Variants in CRISPLD2 observed in about 807,000 individuals in gnomAD.
CRISPLD2 encodes the protein cysteine-rich secretory protein LCCL domain-containing 2.
Under a neutral mutation model 71.1 loss-of-function variants are expected in CRISPLD2, and 47 were observed. That is an observed-to-expected ratio of 0.66 (90% CI 0.52 to 0.84). The LOEUF is 0.84. CRISPLD2 is among the 40% of genes least tolerant of loss of function. The probability of loss-of-function intolerance (pLI) is 0.00; values close to 1 mark genes in which losing one functional copy is unlikely to be tolerated. For missense variants in CRISPLD2, 830 were observed against 651.1 expected, an observed-to-expected ratio of 1.27 and a Z score of -2.99; for synonymous variants, 317 against 250.1, an observed-to-expected ratio of 1.27 and a Z score of -2.52.
intron 13 of CRISPLD2, among the ~76,000 whole-genome samples, chr16:84,886,172 A>T (rs183110334): frequency 4.7e-4 from 72 of 152,160 alleles, no homozygotes; most frequent in African/African-American, 1.7e-3. Context: ...TTACAGGTGT[A>T]AGCCACCGCG....
intron 1 of CRISPLD2, chr16:84,828,405 G>A (rs994756396): frequency 2.0e-5 from 3 of 152,210 alleles, no homozygotes; most frequent in African/African-American, 7.2e-5. Context: ...TGAGGAATTA[G>A]AGGCTTGAGG....
chr16:84,828,348 C>T (rs1023488107), intron 1 of CRISPLD2: 2 of 152,174 alleles, frequency 1.3e-5, no homozygotes, highest in Admixed American at 6.5e-5. Context: ...AGTCATAGCA[C>T]CCTTCCTCCC....
intron 14 of CRISPLD2, 28 bp downstream of exon 14, chr16:84,889,391 A>G (rs1384239091): frequency 3.8e-6 from 6 of 1,586,394 alleles, no homozygotes; most frequent in Middle Eastern, 1.7e-4. Context: ...AACCCTTGAC[A>G]CCCAATCCCG....
At chr16:84,827,473 G>T (rs1314133290) in intron 1 of CRISPLD2, among the ~76,000 whole-genome samples, 2 of 151,248 alleles carry the variant, frequency 1.3e-5, no homozygotes, top group Admixed American at 6.6e-5. Flanking sequence ...TGGGCTTTTC[G>T]CCTGTCCTCG....
chr16:84,881,988 T>C (rs1017462728), intron 13 of CRISPLD2, among the ~76,000 whole-genome samples: 2 of 152,208 alleles, frequency 1.3e-5, no homozygotes, highest in African/African-American at 2.4e-5. Context: ...GGTCTTTTTT[T>C]CTTCTTGAAA....
Position 84,880,582 on chromosome 16 carries a change from G to C in CRISPLD2, c.1303G>C (p.Asp435His), listed in dbSNP as rs765014952. Reference sequence around the variant, plus strand: ...GGTGTTTGGAACCAACATCTATGCAGATGTGAGTAGGATGCATTTTCAACA... The same window carrying C: ...GGTGTTTGGAACCAACATCTATGCACATGTGAGTAGGATGCATTTTCAACA... ...APVFGTNIYA[D>H]TSSICKTAVH... Residue 435 changes from aspartate to histidine, a missense_variant and splice_region_variant, in exon 13 of 15, where the codon GAT becomes CAT. Transcript: ENST00000262424. 5 of 1,613,230 alleles carry C rather than the reference G, an allele frequency of 3.1e-6. No homozygotes were observed. The highest frequency in any genetic ancestry group is 4.2e-6 in the Non-Finnish European group (5 of 1,179,328).
In CRISPLD2 at chr16:84,908,183, T is replaced by G. The variant is rs901368237; in HGVS notation, c.*1541T>G. The G allele has an allele frequency of 5.9e-5, 9 of 152,206 alleles. No homozygotes were observed. Among genetic ancestry groups the G allele is most frequent in the Admixed American group, 5.2e-4 (8 of 15,278 alleles). The allele number at this position is 152,206 out of a possible 1,614,324, so 9.4% of individuals were successfully genotyped here. Reference sequence around the variant, plus strand: ...AATAAATGCAGAATCTGAAGGTAAATAGGTTTAAAACAAAACAAAAACCCA... The same window carrying G: ...AATAAATGCAGAATCTGAAGGTAAAGAGGTTTAAAACAAAACAAAAACCCA... On this transcript the variant is annotated 3_prime_UTR_variant, in exon 15 of 15. Transcript: ENST00000262424.
intron 13 of CRISPLD2, among the ~76,000 whole-genome samples, chr16:84,886,829 C>G (rs145140573): frequency 0.011 from 1,690 of 152,316 alleles, 10 homozygotes; most frequent in Non-Finnish European, 0.019. Context: ...CAAAAAAATA[C>G]ATAACATTAA....
In CRISPLD2 at chr16:84,908,686, T is replaced by C. The variant is rs1597492504; in HGVS notation, c.*2044T>C. The C allele has an allele frequency of 3.4e-5, 2 of 58,086 alleles. No individual in the cohort carries two copies. Among genetic ancestry groups the C allele is most frequent in the African/African-American group, 1.5e-4 (2 of 13,532 alleles). 3.6% of individuals were successfully genotyped at this position (58,086 alleles called of 1,614,324 possible). On this transcript the variant is annotated 3_prime_UTR_variant, in exon 15 of 15. Coordinates refer to ENST00000262424, the MANE Select transcript of CRISPLD2 (RefSeq NM_031476.4). ...CAGAGCAGGACCTGGCTGTCTTTTT[T>C]TTTTTTTTTTTTTTTTTCCCGAGAC...
At position 84,902,088 on chromosome 16, in the gene CRISPLD2, C is replaced by G. The variant is rs192065285; in HGVS notation, c.1440-4500C>G. On this transcript the variant is annotated intron_variant, in intron 14 of 14. Coordinates refer to ENST00000262424, the MANE Select transcript of CRISPLD2 (RefSeq NM_031476.4). ...TGCTGGGATGACAGGCGTGAGCCAC[C>G]GCGCCTGGCCCTGGTTGCACACTGT... Among the ~76,000 whole-genome samples, 4 of 151,072 alleles carry G rather than the reference C, an allele frequency of 2.6e-5. No individual in the cohort carries two copies. The East Asian group carries it at 7.9e-4, about 30-fold the overall frequency.
chr16:84,829,563 C>T (rs1025954542), intron 1 of CRISPLD2, among the ~76,000 whole-genome samples: 6 of 152,122 alleles, frequency 3.9e-5, no homozygotes, highest in Admixed American at 6.5e-5. Flanking sequence ...GAGAACACCC[C>T]GACCCCCAGG....
At chr16:84,889,744 G>A (rs2071644800) in intron 14 of CRISPLD2, among the ~76,000 whole-genome samples, 1 of 137,180 alleles carries the variant, frequency 7.3e-6, no homozygotes, top group Admixed American at 7.4e-5. Flanking sequence ...CCTTCCGGTT[G>A]TTTTTCTTTG....
intron 14 of CRISPLD2, among the ~76,000 whole-genome samples, chr16:84,901,169 G>A (rs1005113659): frequency 3.3e-5 from 5 of 152,016 alleles, no homozygotes; most frequent in Admixed American, 3.3e-4. Context: ...GTATAGTAAA[G>A]CAACAAATCC....
intron 14 of CRISPLD2, among the ~76,000 whole-genome samples, chr16:84,905,231 C>A (rs771834014): frequency 2.0e-5 from 3 of 152,182 alleles, no homozygotes; most frequent in Non-Finnish European, 4.4e-5. Flanking sequence ...CATGCCACTG[C>A]ACTCTGGCCT....
At chr16:84,876,049 C>T (rs1251071701) in intron 11 of CRISPLD2, among the ~76,000 whole-genome samples, 1 of 152,184 alleles carries the variant, frequency 6.6e-6, no homozygotes, top group African/African-American at 2.4e-5. Context: ...TAAATCCTGC[C>T]TATTGCCTGC....
At chr16:84,880,178 A>T (rs1323562056) in intron 12 of CRISPLD2, among the ~76,000 whole-genome samples, 1 of 152,146 alleles carries the variant, frequency 6.6e-6, no homozygotes, top group Admixed American at 6.5e-5. Context: ...GAACTAGCCA[A>T]CATCCAAGAA....
chr16:84,869,219 A>G (rs2071444477), intron 8 of CRISPLD2, among the ~76,000 whole-genome samples: 1 of 152,170 alleles, frequency 6.6e-6, no homozygotes, highest in Non-Finnish European at 1.5e-5. Flanking sequence ...TGTTGCAGTC[A>G]TTCAGATGAT....
chr16:84,861,634 C>T (rs1917384747), intron 6 of CRISPLD2, among the ~76,000 whole-genome samples: 1 of 152,156 alleles, frequency 6.6e-6, no homozygotes, highest in Non-Finnish European at 1.5e-5. Flanking sequence ...TTGGCAGCAC[C>T]TTCACAGACA....
At chr16:84,841,226 C>T (rs1916762035) in intron 2 of CRISPLD2, among the ~76,000 whole-genome samples, 1 of 152,198 alleles carries the variant, frequency 6.6e-6, no homozygotes. Context: ...GGAGCCATCT[C>T]AGTTAAGACC....
Sources: allele counts gnomAD v4.1 joint callset (sites outside exome capture counted in the v4.1 genomes callset), GRCh38; gene constraint gnomAD v4.1.1; transcripts MANE v1.5; gene names NCBI Gene and HGNC (gene_info 2026-07-23, HGNC 2026-07-21).